GPHN: variants seen among roughly 807,000 people sequenced by gnomAD.
GPHN encodes the protein gephyrin.
A neutral mutation model predicts 95.5 loss-of-function variants in GPHN; 17 were observed. The observed-to-expected ratio is 0.18, with a 90% CI of 0.12 to 0.27. The LOEUF (loss-of-function observed/expected upper bound fraction) is 0.27, where lower values mean the gene tolerates loss of function less well. Ranked by LOEUF, GPHN falls within the 10% of genes least tolerant of loss-of-function variation. The pLI, the probability that GPHN is intolerant of heterozygous loss-of-function variation, is 1.00. For missense variants in GPHN, 660 were observed against 978.1 expected (o/e 0.67, Z 4.34); for synonymous variants, 320 against 322.5 (o/e 0.99, Z 0.08).
chr14:67,230,119 T>C, the GPHN span, among the ~76,000 whole-genome samples: 1 of 152,368 alleles, frequency 6.6e-6, no homozygotes, highest in African/African-American at 2.4e-5. Flanking sequence ...CTTTTACTTT[T>C]GTTCACTTGG....
intron 10 of GPHN, among the ~76,000 whole-genome samples, chr14:67,026,031 C>G (rs1418484015): frequency 6.6e-6 from 1 of 152,186 alleles, no homozygotes; most frequent in Non-Finnish European, 1.5e-5. Flanking sequence ...GACTCTGACT[C>G]TAAGACTAAG....
At chr14:66,839,829 T>C (rs1241596510) in intron 4 of GPHN, among the ~76,000 whole-genome samples, 1 of 152,190 alleles carries the variant, frequency 6.6e-6, no homozygotes, top group Non-Finnish European at 1.5e-5. Flanking sequence ...CCCTATTTAC[T>C]TCCTCTTTCA....
the GPHN span, among the ~76,000 whole-genome samples, chr14:67,327,378 G>A: frequency 1.3e-5 from 2 of 151,804 alleles, no homozygotes; most frequent in Non-Finnish European, 2.9e-5. Context: ...AAAAGGCGGG[G>A]TACAGTGGCT....
rs570237746 is a variant in GPHN at position 67,056,483 on chromosome 14, A to C, written c.1007-2166A>C. Among the ~76,000 whole-genome samples, 221 of 152,180 alleles carry C rather than the reference A, an allele frequency of 1.5e-3. 1 individual carries two copies. Among genetic ancestry groups the C allele is most frequent in the Admixed American group, 5.4e-3 (83 of 15,290 alleles). The stretch of plus-strand genomic sequence containing the variant: ...CAGAGTGCTGATTGGTGGATGTACA[A>C]TCCGCTAGCTAGACATAAAAGTTCT... On this transcript the variant is annotated intron_variant, in intron 10 of 22. Transcript: ENST00000478722.
chr14:67,208,381 G>A, the GPHN span: 19 of 1,613,874 alleles, frequency 1.2e-5, no homozygotes, highest in East Asian at 1.6e-4. Context: ...CCAAGGAGAT[G>A]AAGGATAAGA....
At chr14:66,724,134 G>A (rs1016709188) in intron 2 of GPHN, among the ~76,000 whole-genome samples, 12 of 151,990 alleles carry the variant, frequency 7.9e-5, no homozygotes, top group African/African-American at 2.9e-4. Flanking sequence ...CTTTTCGCCA[G>A]CTTATACTTT....
intron 1 of GPHN, among the ~76,000 whole-genome samples, chr14:66,524,576 C>T (rs1400389959): frequency 6.6e-6 from 1 of 152,054 alleles, no homozygotes; most frequent in Non-Finnish European, 1.5e-5. Flanking sequence ...TATACACGTG[C>T]CATGGTGGTT....
At chr14:66,570,767 T>G (rs2060656047) in intron 1 of GPHN, among the ~76,000 whole-genome samples, 1 of 152,248 alleles carries the variant, frequency 6.6e-6, no homozygotes, top group Non-Finnish European at 1.5e-5. Flanking sequence ...CTTCTCATCC[T>G]CATTTACACT....
At chr14:67,397,690 CAGG>C in the GPHN span, 1 of 1,612,990 alleles carries the variant, frequency 6.2e-7, no homozygotes, top group Non-Finnish European at 8.5e-7. Context: ...CAGGCAGGGG[CAGG>C]TGATGGTGCA....
intron 2 of GPHN, among the ~76,000 whole-genome samples, chr14:66,736,163 A>T (rs775170417): frequency 9.9e-5 from 15 of 151,624 alleles, no homozygotes; most frequent in East Asian, 1.9e-4. Flanking sequence ...TTTTTTTTTT[A>T]AATTCTTAGT....
chr14:67,661,278 CAA>C, the GPHN span, among the ~76,000 whole-genome samples: 34 of 56,546 alleles, frequency 6.0e-4, no homozygotes, highest in African/African-American at 2.0e-3. Context: ...AGGGCTAGAG[CAA>C]AAAAAAAAAA....
chr14:66,553,372 C>T (rs1334139147), intron 1 of GPHN, among the ~76,000 whole-genome samples: 2 of 152,110 alleles, frequency 1.3e-5, no homozygotes, highest in Non-Finnish European at 2.9e-5. Flanking sequence ...GCCCCAGTCT[C>T]ACTCTTTTCT....
intron 1 of GPHN, among the ~76,000 whole-genome samples, chr14:66,602,134 C>T (rs1239122536): frequency 2.6e-5 from 4 of 151,878 alleles, no homozygotes; most frequent in African/African-American, 9.7e-5. Flanking sequence ...ATGTTACTGC[C>T]TACCTAAATG....
At chr14:67,554,295 AGAG>A in the GPHN span, among the ~76,000 whole-genome samples, 1 of 152,170 alleles carries the variant, frequency 6.6e-6, no homozygotes, top group African/African-American at 2.4e-5. Flanking sequence ...ATTGGGAAAG[AGAG>A]AAGGATTGAT....
At chr14:67,128,962 GCAC>G (rs1010000943) in intron 17 of GPHN, among the ~76,000 whole-genome samples, 9 of 151,618 alleles carry the variant, frequency 5.9e-5, no homozygotes, top group African/African-American at 2.2e-4. Flanking sequence ...TTACAGGCAT[GCAC>G]CACCACACCC....
At chr14:67,247,773 T>A in the GPHN span, among the ~76,000 whole-genome samples, 1 of 152,060 alleles carries the variant, frequency 6.6e-6, no homozygotes, top group African/African-American at 2.4e-5. Flanking sequence ...GAGACAGGGC[T>A]TCACCATGTT....
chr14:67,524,725 A>T, the GPHN span, among the ~76,000 whole-genome samples: 1 of 152,238 alleles, frequency 6.6e-6, no homozygotes, highest in Non-Finnish European at 1.5e-5. Flanking sequence ...AACCACAAGA[A>T]CATACTGTAT....
In GPHN at chr14:66,564,950, G is replaced by A. The variant is rs556986763; in HGVS notation, c.64+56359G>A. Among the ~76,000 whole-genome samples the A allele has an allele frequency of 5.9e-5, 9 of 152,232 alleles. 1 individual carries two copies. The South Asian group carries it at 1.0e-3, about 18-fold the overall frequency. On this transcript the variant is annotated intron_variant, in intron 1 of 22. Coordinates refer to ENST00000478722, the MANE Select transcript of GPHN (RefSeq NM_020806.5). Reference sequence around the variant, plus strand: ...TTGTCCTTCTTCCTGTTGTGATGCTGGGACTAGCATGTATTTATGTTCCTC... The same window carrying A: ...TTGTCCTTCTTCCTGTTGTGATGCTAGGACTAGCATGTATTTATGTTCCTC...
chr14:67,494,976 A>G, the GPHN span, among the ~76,000 whole-genome samples: 3 of 152,190 alleles, frequency 2.0e-5, no homozygotes, highest in Non-Finnish European at 2.9e-5. Flanking sequence ...AATAAAGCAA[A>G]TGGGGCAAAA....
Sources: gnomAD v4.1 joint callset for allele counts (sites outside exome capture counted in the v4.1 genomes callset) on GRCh38, gnomAD v4.1.1 for gene constraint, MANE v1.5 for transcripts, NCBI Gene and HGNC (gene_info 2026-07-23, HGNC 2026-07-21) for gene names.